ROR1: variants seen among roughly 807,000 people sequenced by gnomAD.
ROR1 encodes ROR family WNT receptor 1, also known as inactive tyrosine-protein kinase transmembrane receptor ROR1.
ROR1 carries 19 observed loss-of-function variants against 78.8 expected under a neutral mutation model. That is an observed-to-expected ratio of 0.24 (90% CI 0.17 to 0.35). The LOEUF (loss-of-function observed/expected upper bound fraction) is 0.35, where lower values mean the gene tolerates loss of function less well. Ranked by LOEUF, ROR1 falls within the 10% of genes least tolerant of loss-of-function variation. ROR1 has a pLI of 1.00. For missense variants in ROR1, 917 were observed against 1,177.8 expected (o/e 0.78, Z 3.24); for synonymous variants, 386 against 433.6 (o/e 0.89, Z 1.36).
Position 63,955,074 on chromosome 1 carries a change from A to G in ROR1, c.92-54231A>G, listed in dbSNP as rs546978003. On this transcript the variant is annotated intron_variant, in intron 1 of 8. Transcript: ENST00000371079. ...AGTAACATATTGGGTGGTGACAAGC[A>G]AAGTCTGGACTGCAGAGGTTAAGGC... is the stretch of plus-strand genomic sequence containing the variant. 1.3e-5 allele frequency among the ~76,000 whole-genome samples: 2 copies of G among 152,316 alleles called. 1 individual carries two copies. Among genetic ancestry groups the G allele is most frequent in the African/African-American group, 4.8e-5 (2 of 41,574 alleles).
intron 1 of ROR1, among the ~76,000 whole-genome samples, chr1:63,977,586 A>G (rs189472019): frequency 1.3e-5 from 2 of 152,296 alleles, no homozygotes; most frequent in East Asian, 3.9e-4. Flanking sequence ...AAATCAGAGA[A>G]GTTCATGCAG....
chr1:64,071,276 T>C (rs779579184), intron 4 of ROR1, among the ~76,000 whole-genome samples: 1 of 152,128 alleles, frequency 6.6e-6, no homozygotes, highest in Non-Finnish European at 1.5e-5. Flanking sequence ...AAGAGCACTC[T>C]GGCATCTGTG....
intron 4 of ROR1, among the ~76,000 whole-genome samples, chr1:64,090,656 A>C (rs1569726295): frequency 6.6e-6 from 1 of 152,226 alleles, no homozygotes; most frequent in African/African-American, 2.4e-5. Context: ...TCTTGATTAC[A>C]CAGAGGAAGA....
chr1:63,788,899 G>C (rs189535967), intron 1 of ROR1: 3 of 880,774 alleles, frequency 3.4e-6, no homozygotes, highest in Non-Finnish European at 5.5e-6. Context: ...CATGAGAATC[G>C]CTTGTTTTTG....
At chr1:64,027,415 A>G (rs141269838) in intron 2 of ROR1, among the ~76,000 whole-genome samples, 1 of 152,142 alleles carries the variant, frequency 6.6e-6, no homozygotes, top group Admixed American at 6.5e-5. Context: ...GCTCCATAAC[A>G]TCAACTTATT....
intron 1 of ROR1, among the ~76,000 whole-genome samples, chr1:63,826,328 G>C (rs556967525): frequency 6.6e-6 from 1 of 152,234 alleles, no homozygotes; most frequent in South Asian, 2.1e-4. Context: ...CCACTTACAA[G>C]TGAGGACATG....
At position 64,075,317 on chromosome 1, in the gene ROR1, A is replaced by G. The variant is rs571845273; in HGVS notation, c.482+24601A>G. On this transcript the variant is annotated intron_variant, in intron 4 of 8. Coordinates refer to ENST00000371079, the MANE Select transcript of ROR1 (RefSeq NM_005012.4). Reference sequence around the variant, plus strand: ...ACAGAACCATGTTTTTCTAATATAGAGGGGGTTAAGATTATCTGCTTTTAG... The same window carrying G: ...ACAGAACCATGTTTTTCTAATATAGGGGGGGTTAAGATTATCTGCTTTTAG... Among the ~76,000 whole-genome samples, 1,331 of 152,316 alleles carry G rather than the reference A, an allele frequency of 8.7e-3. 10 individuals are homozygous for G. Among genetic ancestry groups the G allele is most frequent in the Non-Finnish European group, 0.014 (953 of 68,038 alleles).
rs1649152577 is a variant in ROR1, at chr1:64,137,459, T to G, written c.573T>G (p.Ser191=). 1 of 1,613,874 alleles carries G rather than the reference T, an allele frequency of 6.2e-7. No homozygotes were observed. Among genetic ancestry groups the G allele is most frequent in the South Asian group, 1.1e-5 (1 of 91,060 alleles). ...FIGNRTVYME[S]LHMQGEIENQ... Reference sequence around the variant, plus strand: ...GCAACCGCACCGTCTATATGGAGTCTTTGCACATGCAAGGGGAAATAGAAA... The same window carrying G: ...GCAACCGCACCGTCTATATGGAGTCGTTGCACATGCAAGGGGAAATAGAAA... The change falls in exon 5 of 9, where the codon TCT becomes TCG. Residue 191 remains serine, a synonymous_variant. Transcript: ENST00000371079.
intron 8 of ROR1, among the ~76,000 whole-genome samples, chr1:64,160,648 A>G (rs1649911399): frequency 6.6e-6 from 1 of 152,222 alleles, no homozygotes; most frequent in Admixed American, 6.5e-5. Context: ...TAGTGCTACT[A>G]TAAAAGTAGT....
chr1:63,997,364 A>G (rs1280399965), intron 1 of ROR1, among the ~76,000 whole-genome samples: 3 of 152,246 alleles, frequency 2.0e-5, no homozygotes, highest in Non-Finnish European at 4.4e-5. Flanking sequence ...TTCAGTGGTC[A>G]ACCAATTAAG....
At chr1:64,001,994 G>T (rs1396412416) in intron 1 of ROR1, among the ~76,000 whole-genome samples, 1 of 152,096 alleles carries the variant, frequency 6.6e-6, no homozygotes, top group African/African-American at 2.4e-5. Context: ...GGGGGTGGTG[G>T]CTAGGGGACA....
chr1:63,982,641 C>T (rs1646219112), intron 1 of ROR1, among the ~76,000 whole-genome samples: 1 of 152,116 alleles, frequency 6.6e-6, no homozygotes, highest in African/African-American at 2.4e-5. Flanking sequence ...CATTAAGTGT[C>T]AAATAATTAA....
intron 4 of ROR1, among the ~76,000 whole-genome samples, chr1:64,101,404 A>G (rs1293414764): frequency 6.6e-6 from 1 of 152,128 alleles, no homozygotes; most frequent in Non-Finnish European, 1.5e-5. Flanking sequence ...GGAATTGATT[A>G]AGAGAGGAGG....
At chr1:63,924,932 CT>C (rs751680204) in intron 1 of ROR1, among the ~76,000 whole-genome samples, 5,265 of 84,894 alleles carry the variant, frequency 0.062, 121 homozygotes, top group African/African-American at 0.098. Flanking sequence ...AAAGGGGATG[CT>C]TTTTTTTTTT....
chr1:64,137,176 G>A (rs537879577), intron 4 of ROR1, among the ~76,000 whole-genome samples, 193 bp from the exon 5 acceptor site: 108 of 152,306 alleles, frequency 7.1e-4, no homozygotes, highest in Admixed American at 5.0e-3. Context: ...TTCTGGGGGT[G>A]TAGGAAACTT....
At chr1:64,099,807 A>T (rs1045972313) in intron 4 of ROR1, among the ~76,000 whole-genome samples, 8 of 152,346 alleles carry the variant, frequency 5.3e-5, no homozygotes, top group African/African-American at 1.7e-4. Flanking sequence ...CTGTAATCCC[A>T]GCACTTTGGG....
At chr1:64,093,138 T>G (rs1428109380) in intron 4 of ROR1, among the ~76,000 whole-genome samples, 1 of 152,170 alleles carries the variant, frequency 6.6e-6, no homozygotes, top group African/African-American at 2.4e-5. Context: ...CTGATGACAT[T>G]TCCTATATTA....
chr1:64,016,733 T>TATATATATATATATA (rs1553151713), intron 2 of ROR1, among the ~76,000 whole-genome samples: 12 of 140,578 alleles, frequency 8.5e-5, no homozygotes, highest in African/African-American at 2.3e-4. Context: ...TAAAATATAA[T>TATATATATATATATA]TATATATATA....
intron 1 of ROR1, among the ~76,000 whole-genome samples, chr1:63,932,772 T>C (rs1019934181): frequency 3.3e-5 from 5 of 152,186 alleles, no homozygotes; most frequent in African/African-American, 1.2e-4. Flanking sequence ...ATCCAGCTGA[T>C]CCTGTTGCTC....
Sources: allele counts gnomAD v4.1 joint callset (sites outside exome capture counted in the v4.1 genomes callset), GRCh38; gene constraint gnomAD v4.1.1; transcripts MANE v1.5; gene names NCBI Gene and HGNC (gene_info 2026-07-23, HGNC 2026-07-21).